The following KHDRBS2 variants were observed in gnomAD, a reference collection of about 807,000 sequenced individuals.
KHDRBS2 encodes the protein KH RNA binding domain containing, signal transduction associated 2.
In KHDRBS2, 26 loss-of-function variants were observed where a neutral mutation model predicts 44.3. The ratio of observed to expected loss-of-function variants is 0.59; its 90% CI spans 0.43 to 0.81. The LOEUF is 0.81. KHDRBS2 is among the 40% of genes least tolerant of loss of function. The pLI is 0.00. For synonymous variants in KHDRBS2, 194 were observed against 151.1 expected, an observed-to-expected ratio of 1.28 and a Z score of -2.08; for missense variants, 476 against 433.1, an observed-to-expected ratio of 1.10 and a Z score of -0.88.
At chr6:61,560,357 G>A in the KHDRBS2 span, among the ~76,000 whole-genome samples, 3 of 152,156 alleles carry the variant, frequency 2.0e-5, no homozygotes, top group East Asian at 5.8e-4. Flanking sequence ...CTTCTTCTAG[G>A]TTTGGGAAGT....
chr6:61,795,063 C>T (rs1297727508), intron 6 of KHDRBS2, among the ~76,000 whole-genome samples: 5 of 142,436 alleles, frequency 3.5e-5, no homozygotes, highest in African/African-American at 1.0e-4. Context: ...CACTTGAACC[C>T]GGGAGGTGGA....
intron 6 of KHDRBS2, among the ~76,000 whole-genome samples, chr6:61,845,066 C>T (rs1484618818): frequency 6.6e-6 from 1 of 152,064 alleles, no homozygotes; most frequent in Non-Finnish European, 1.5e-5. Context: ...TTTAATTATT[C>T]AGTTTTTACT....
chr6:61,869,835 T>C (rs367866233), intron 6 of KHDRBS2, among the ~76,000 whole-genome samples: 145 of 152,228 alleles, frequency 9.5e-4, no homozygotes, highest in African/African-American at 3.3e-3. Context: ...CCAGATACTG[T>C]GCTTTTCCCA....
the KHDRBS2 span, among the ~76,000 whole-genome samples, chr6:61,641,449 G>A: frequency 1.3e-5 from 2 of 152,072 alleles, no homozygotes; most frequent in East Asian, 3.9e-4. Context: ...AAAATACTCT[G>A]TACTTTTGGG....
chr6:62,207,209 G>T (rs1340418633), intron 1 of KHDRBS2, among the ~76,000 whole-genome samples: 1 of 151,938 alleles, frequency 6.6e-6, no homozygotes, highest in Non-Finnish European at 1.5e-5. Context: ...GAGGAAAAAA[G>T]TGTAAAGATT....
At chr6:62,058,426 A>C (rs1425232241) in intron 2 of KHDRBS2, among the ~76,000 whole-genome samples, 3 of 151,860 alleles carry the variant, frequency 2.0e-5, no homozygotes, top group African/African-American at 7.2e-5. Flanking sequence ...TCTCCTTTTT[A>C]ATCAGTGGGA....
chr6:61,547,939 G>A, the KHDRBS2 span, among the ~76,000 whole-genome samples: 1 of 152,026 alleles, frequency 6.6e-6, no homozygotes, highest in Non-Finnish European at 1.5e-5. Flanking sequence ...GAAATCAAAG[G>A]TACAGCATTT....
chr6:61,757,458 T>C (rs1005371845), intron 6 of KHDRBS2, among the ~76,000 whole-genome samples: 1 of 152,198 alleles, frequency 6.6e-6, no homozygotes, highest in Non-Finnish European at 1.5e-5. Context: ...AATTAACTTA[T>C]TATATCTTTA....
In KHDRBS2 at chr6:62,082,310, GGT is replaced by G. The variant is rs142069290; in HGVS notation, c.220-34318_220-34317del. Among the ~76,000 whole-genome samples, 1,486 of 149,098 alleles carry G rather than the reference GGT, an allele frequency of 1.0e-2. 17 individuals carry two copies. Among genetic ancestry groups the G allele is most frequent in the Middle Eastern group, 0.017 (5 of 292 alleles). Reference sequence around the variant, plus strand: ...TTTAAAGAGAGAGCAAATACACACTGGTGTGTGTGTGTGTGTGTGTGTGTGTG... The same window carrying G: ...TTTAAAGAGAGAGCAAATACACACTGGTGTGTGTGTGTGTGTGTGTGTGTG... On this transcript the variant is annotated intron_variant, in intron 2 of 8. Transcript: ENST00000281156.
chr6:61,975,720 G>A (rs910517478), intron 4 of KHDRBS2, among the ~76,000 whole-genome samples: 7 of 151,266 alleles, frequency 4.6e-5, no homozygotes, highest in Non-Finnish European at 1.0e-4. Context: ...GGAGCTATGC[G>A]GAAAATAAGT....
Position 61,756,245 on chromosome 6 carries a change from A to C in KHDRBS2, c.811-23481T>G, listed in dbSNP as rs561884257. ...CTTACTATATGTAAAGTTCATTATT[A>C]ATTTTATTTAATTAATTTATTTTTT... On this transcript the variant is annotated intron_variant, in intron 6 of 8. Coordinates refer to ENST00000281156, the MANE Select transcript of KHDRBS2 (RefSeq NM_152688.4). 7.9e-5 allele frequency among the ~76,000 whole-genome samples: 12 copies of C among 151,518 alleles called. 1 individual carries two copies. The highest frequency in any genetic ancestry group is 1.5e-4 in the Non-Finnish European group (10 of 67,962).
At chr6:62,219,330 A>T (rs1176094770) in intron 1 of KHDRBS2, among the ~76,000 whole-genome samples, 1 of 151,972 alleles carries the variant, frequency 6.6e-6, no homozygotes, top group Non-Finnish European at 1.5e-5. Flanking sequence ...ATTGAATCAG[A>T]GTGCCAGAAG....
At chr6:62,020,664 A>C (rs972025994) in intron 3 of KHDRBS2, among the ~76,000 whole-genome samples, 1 of 151,996 alleles carries the variant, frequency 6.6e-6, no homozygotes, top group Middle Eastern at 3.2e-3. Context: ...TTATTTATCA[A>C]CTGACCCCTT....
At chr6:61,576,752 C>T in the KHDRBS2 span, among the ~76,000 whole-genome samples, 44 of 152,198 alleles carry the variant, frequency 2.9e-4, no homozygotes, top group South Asian at 6.2e-4. Context: ...ATTTACATCA[C>T]GATAGGGAAC....
At chr6:61,553,896 G>T in the KHDRBS2 span, among the ~76,000 whole-genome samples, 1 of 151,984 alleles carries the variant, frequency 6.6e-6, no homozygotes, top group Non-Finnish European at 1.5e-5. Flanking sequence ...TTAAGTGTTT[G>T]TTTGGAGATT....
At chr6:61,623,691 G>A in the KHDRBS2 span, among the ~76,000 whole-genome samples, 2 of 152,186 alleles carry the variant, frequency 1.3e-5, no homozygotes, top group Admixed American at 6.5e-5. Flanking sequence ...CCCTTTTAGG[G>A]TTCATGTTAC....
At chr6:61,948,848 G>T (rs191624249) in intron 4 of KHDRBS2, among the ~76,000 whole-genome samples, 1 of 151,780 alleles carries the variant, frequency 6.6e-6, no homozygotes, top group Admixed American at 6.6e-5. Flanking sequence ...CAAATCAGTG[G>T]CTTTGGTGAT....
At chr6:61,603,005 G>A in the KHDRBS2 span, among the ~76,000 whole-genome samples, 1 of 151,734 alleles carries the variant, frequency 6.6e-6, no homozygotes, top group Non-Finnish European at 1.5e-5. Context: ...ACAAGTATAG[G>A]ACACCTCTAC....
intron 6 of KHDRBS2, among the ~76,000 whole-genome samples, chr6:61,802,027 A>G (rs1236224104): frequency 6.6e-6 from 1 of 152,138 alleles, no homozygotes; most frequent in Non-Finnish European, 1.5e-5. Flanking sequence ...GGTGGCTTTA[A>G]AGATGGAAAG....
Sources: allele counts gnomAD v4.1 joint callset (sites outside exome capture counted in the v4.1 genomes callset), GRCh38; gene constraint gnomAD v4.1.1; transcripts MANE v1.5; gene names NCBI Gene and HGNC (gene_info 2026-07-23, HGNC 2026-07-21).